The following FBXL13 variants were observed in gnomAD, a reference collection of about 807,000 sequenced individuals.
FBXL13 encodes the protein F-box and leucine rich repeat protein 13, also known as F-box and leucine-rich repeat protein 13.
FBXL13 carries 67 observed loss-of-function variants against 83.6 expected under a neutral mutation model. The ratio of observed to expected loss-of-function variants is 0.80; its 90% confidence interval spans 0.66 to 0.98. The LOEUF (loss-of-function observed/expected upper bound fraction) is 0.98. Ranked by LOEUF, FBXL13 falls within the 50% of genes least tolerant of loss-of-function variation. The pLI, the probability that FBXL13 is intolerant of heterozygous loss-of-function variation, is 0.00. For missense variants in FBXL13, 822 were observed against 866.5 expected, an observed-to-expected ratio of 0.95 and a Z score of 0.64; for synonymous variants, 272 against 299.5, an observed-to-expected ratio of 0.91 and a Z score of 0.95.
At chr7:102,876,399 A>T (rs1345637615) in intron 16 of FBXL13, among the ~76,000 whole-genome samples, 1 of 152,112 alleles carries the variant, frequency 6.6e-6, no homozygotes, top group Admixed American at 6.5e-5. Context: ...CTTCCTACCC[A>T]CAATCTCACA....
chr7:103,049,076 A>G (rs1182433986), intron 2 of FBXL13, among the ~76,000 whole-genome samples: 1 of 152,190 alleles, frequency 6.6e-6, no homozygotes, highest in Admixed American at 6.5e-5. Flanking sequence ...GACTTGTCCT[A>G]AACATCCCTC....
Position 102,971,279 on chromosome 7 carries a change from T to C in FBXL13, c.496-3162A>G, listed in dbSNP as rs1826620627. On this transcript the variant is annotated intron_variant, in intron 6 of 19. Transcript: ENST00000313221. ...ATCAATCTGAGATACCATATGCAAG[T>C]AAATTACAACTCAAAAATGAGTATT... Among the ~76,000 whole-genome samples, 3 of 152,272 alleles carry C rather than the reference T, an allele frequency of 2.0e-5. 1 individual carries two copies. The South Asian group carries it at 6.2e-4, about 32-fold the overall frequency.
intron 16 of FBXL13, among the ~76,000 whole-genome samples, chr7:102,855,449 G>C (rs188043540): frequency 6.6e-6 from 1 of 151,930 alleles, no homozygotes; most frequent in East Asian, 1.9e-4. Context: ...TTTTTTTTAT[G>C]TGTGCTTGTG....
At chr7:102,863,097 A>G (rs1807094773) in intron 16 of FBXL13, among the ~76,000 whole-genome samples, 1 of 152,222 alleles carries the variant, frequency 6.6e-6, no homozygotes, top group Non-Finnish European at 1.5e-5. Flanking sequence ...TTCAAACTGG[A>G]AGCCATGAGA....
exon 15 of FBXL13, chr7:102,878,389 G>C (rs1809545632): frequency 1.2e-6 from 2 of 1,609,996 alleles, no homozygotes; most frequent in Non-Finnish European, 1.7e-6. Context: ...CTTAAATTTA[G>C]CTCTCTTATC....
chr7:102,887,796 G>C (rs938288706), intron 11 of FBXL13, among the ~76,000 whole-genome samples: 1 of 152,194 alleles, frequency 6.6e-6, no homozygotes, highest in East Asian at 1.9e-4. Context: ...ACTGGTGTTT[G>C]ACCAAACAAC....
intron 1 of FBXL13, among the ~76,000 whole-genome samples, chr7:103,059,471 T>C (rs1404821101): frequency 6.6e-6 from 1 of 152,220 alleles, no homozygotes; most frequent in African/African-American, 2.4e-5. Context: ...TTAGTCTTTA[T>C]TGTAAGCAGA....
intron 2 of FBXL13, 61 bp from the exon 4 acceptor site, chr7:103,029,479 C>G: frequency 1.1e-6 from 1 of 942,042 alleles, no homozygotes; most frequent in South Asian, 2.0e-5. Context: ...CACAGACTAC[C>G]TCTGCAAGAT....
chr7:102,905,863 C>T (rs1340247919), intron 11 of FBXL13, among the ~76,000 whole-genome samples: 2 of 152,116 alleles, frequency 1.3e-5, no homozygotes, highest in Non-Finnish European at 2.9e-5. Context: ...GATAACAACA[C>T]TGTTTGCATA....
chr7:103,049,080 A>T (rs1460952300), intron 2 of FBXL13, among the ~76,000 whole-genome samples: 1 of 152,198 alleles, frequency 6.6e-6, no homozygotes, highest in Non-Finnish European at 1.5e-5. Flanking sequence ...TGTCCTAAAC[A>T]TCCCTCTTTT....
At chr7:102,901,471 C>T (rs1362232659) in intron 11 of FBXL13, among the ~76,000 whole-genome samples, 1 of 152,090 alleles carries the variant, frequency 6.6e-6, no homozygotes, top group African/African-American at 2.4e-5. Context: ...ACTATAGTTA[C>T]CTTGTTATGC....
chr7:102,904,643 CT>C (rs1295275813), intron 11 of FBXL13, among the ~76,000 whole-genome samples: 1 of 151,234 alleles, frequency 6.6e-6, no homozygotes, highest in African/African-American at 2.4e-5. Flanking sequence ...TATTTCTTTT[CT>C]TCTAATAATT....
At chr7:102,847,577 A>G (rs1804229598) in intron 17 of FBXL13, among the ~76,000 whole-genome samples, 2 of 151,660 alleles carry the variant, frequency 1.3e-5, no homozygotes, top group Admixed American at 1.3e-4. Context: ...CCCAGGCTGG[A>G]GTGCAGTGGT....
chr7:102,884,072 T>C, intron 12 of FBXL13, 142 bp downstream of exon 13: 2 of 630,716 alleles, frequency 3.2e-6, no homozygotes, highest in South Asian at 4.0e-5. Context: ...TATGTGCATG[T>C]GTGGAAACTT....
At chr7:103,044,186 C>G (rs1262006167) in intron 2 of FBXL13, among the ~76,000 whole-genome samples, 1 of 152,110 alleles carries the variant, frequency 6.6e-6, no homozygotes, top group African/African-American at 2.4e-5. Context: ...GCATTGAGAA[C>G]CTGGGACATT....
intron 16 of FBXL13, among the ~76,000 whole-genome samples, chr7:102,869,387 G>A (rs968670830): frequency 1.3e-5 from 2 of 152,100 alleles, no homozygotes; most frequent in Non-Finnish European, 2.9e-5. Flanking sequence ...CCCTTGTCAC[G>A]TAAGCATAGT....
chr7:102,915,921 A>T (rs1815763865), intron 10 of FBXL13, among the ~76,000 whole-genome samples: 1 of 152,170 alleles, frequency 6.6e-6, no homozygotes, highest in South Asian at 2.1e-4. Context: ...AGAGACTGCT[A>T]ATACTTCTGT....
intron 8 of FBXL13, chr7:102,934,391 C>T (rs1219395883): frequency 6.2e-7 from 1 of 1,614,158 alleles, no homozygotes; most frequent in East Asian, 2.2e-5. Flanking sequence ...CTACCTGCGT[C>T]TTTATGACAA....
At chr7:102,933,969 G>T (rs771131020) in intron 8 of FBXL13, 2 of 1,614,026 alleles carry the variant, frequency 1.2e-6, no homozygotes. Flanking sequence ...GCTGAGCTGC[G>T]CAAAGCAAGC....
Sources: allele counts gnomAD v4.1 joint callset (sites outside exome capture counted in the v4.1 genomes callset), GRCh38; gene constraint gnomAD v4.1.1; transcripts MANE v1.5; gene names NCBI Gene and HGNC (gene_info 2026-07-23, HGNC 2026-07-21).